The following SLC8A3 variants were observed in gnomAD, a reference collection of about 807,000 sequenced individuals.
The protein encoded by SLC8A3 is sodium/calcium exchanger 3.
In SLC8A3, 37 loss-of-function variants were observed where a neutral mutation model predicts 65.4. The ratio of observed to expected loss-of-function variants is 0.57; its 90% confidence interval spans 0.44 to 0.74. The LOEUF is 0.74. Among genes scored for constraint, SLC8A3 ranks in the 30% least tolerant of loss-of-function variants. The pLI is 0.00. For missense variants in SLC8A3, 1,112 were observed against 1,172.1 expected (o/e 0.95, Z 0.75); for synonymous variants, 461 against 444.5 (o/e 1.04, Z -0.47).
At chr14:70,173,333 T>A (rs903253751) in intron 1 of SLC8A3, among the ~76,000 whole-genome samples, 1 of 152,070 alleles carries the variant, frequency 6.6e-6, no homozygotes, top group African/African-American at 2.4e-5. Flanking sequence ...TGTCCCCATG[T>A]CACACTCCCC....
At position 70,144,331 on chromosome 14, in the gene SLC8A3, TAA is replaced by T. The variant is rs1164198147; in HGVS notation, c.1784+22306_1784+22307del. Among the ~76,000 whole-genome samples, 389 of 66,932 alleles carry T rather than the reference TAA, an allele frequency of 5.8e-3. 3 individuals are homozygous for T. The highest frequency in any genetic ancestry group is 0.022 in the African/African-American group (323 of 14,548). The allele number at this position is 66,932 out of a possible 152,430, so 43.9% of individuals were successfully genotyped here. A position where few individuals can be genotyped will look rare whatever the true frequency, so the allele number is the denominator to read the frequency against. On this transcript the variant is annotated intron_variant, in intron 2 of 6. Coordinates refer to ENST00000356921, the MANE Select transcript of SLC8A3 (RefSeq NM_182932.3). ...CTGTTTTTTTTTTTTTTTTTTTTTTTAAAAAAAAAAAAAAAAAGGCCAGGCAC... is the reference window on the plus strand; with the variant it reads ...CTGTTTTTTTTTTTTTTTTTTTTTTTAAAAAAAAAAAAAAAGGCCAGGCAC...
intron 2 of SLC8A3, among the ~76,000 whole-genome samples, chr14:70,104,969 T>A (rs1012963596): frequency 1.3e-5 from 2 of 152,110 alleles, no homozygotes; most frequent in Non-Finnish European, 2.9e-5. Context: ...GGAATCAGTA[T>A]AATGTAGATA....
At chr14:70,083,379 T>A (rs1891200940) in intron 2 of SLC8A3, among the ~76,000 whole-genome samples, 1 of 152,156 alleles carries the variant, frequency 6.6e-6, no homozygotes, top group Non-Finnish European at 1.5e-5. Context: ...ATTATGGGGT[T>A]AGTTTTGGGG....
At chr14:70,110,673 C>CTTTTTTTTTTTTTTTTTTTTTTTT (rs71102684) in intron 2 of SLC8A3, among the ~76,000 whole-genome samples, 1 of 91,858 alleles carries the variant, frequency 1.1e-5, no homozygotes, top group Non-Finnish European at 2.2e-5. Context: ...ATACCTCTTT[C>CTTTTTTTTTTTTTTTTTTTTTTTT]TTTTTTTTTT....
chr14:70,179,741 C>T (rs767748950), intron 1 of SLC8A3, among the ~76,000 whole-genome samples: 9 of 152,214 alleles, frequency 5.9e-5, no homozygotes, highest in Non-Finnish European at 8.8e-5. Flanking sequence ...AGCATTTATA[C>T]TGCATCATTC....
chr14:70,112,807 C>G (rs146732023), intron 2 of SLC8A3, among the ~76,000 whole-genome samples: 1 of 152,290 alleles, frequency 6.6e-6, no homozygotes, highest in East Asian at 1.9e-4. Flanking sequence ...TGGCTCCTGG[C>G]AATCCTTGGT....
At chr14:70,144,628 TA>T (rs34113457) in intron 2 of SLC8A3, among the ~76,000 whole-genome samples, 183 of 142,978 alleles carry the variant, frequency 1.3e-3, no homozygotes, top group African/African-American at 1.9e-3. Context: ...AGACTCCACC[TA>T]AAAAAAAAAA....
At chr14:70,154,388 C>T (rs78976735) in intron 2 of SLC8A3, among the ~76,000 whole-genome samples, 7,461 of 152,264 alleles carry the variant, frequency 0.049, 224 homozygotes, top group Middle Eastern at 0.075. Flanking sequence ...TTCCACCATT[C>T]GGACCGTCAG....
chr14:70,133,269 A>G (rs1894970154), intron 2 of SLC8A3, among the ~76,000 whole-genome samples: 1 of 152,132 alleles, frequency 6.6e-6, no homozygotes, highest in African/African-American at 2.4e-5. Context: ...AATGATGCTG[A>G]ACTCTCTCTT....
intron 4 of SLC8A3, among the ~76,000 whole-genome samples, 196 bp downstream of exon 4, chr14:70,051,794 A>G (rs1192655761): frequency 6.6e-6 from 1 of 152,214 alleles, no homozygotes; most frequent in Non-Finnish European, 1.5e-5. Context: ...TTTCCTAACA[A>G]TATTCCTAGC....
intron 2 of SLC8A3, among the ~76,000 whole-genome samples, chr14:70,143,957 C>T (rs987904502): frequency 5.9e-5 from 9 of 152,154 alleles, no homozygotes; most frequent in African/African-American, 2.2e-4. Context: ...CACAGTTAGT[C>T]ATTCCCTCTC....
Position 70,046,617 on chromosome 14 carries a change from T to A in SLC8A3, c.2390-294A>T. 3.1e-6 allele frequency: 1 copy of A among 319,716 alleles called. No homozygotes were observed. The highest frequency in any genetic ancestry group is 5.8e-6 in the Non-Finnish European group (1 of 173,600). The allele number at this position is 319,716 out of a possible 1,614,324, so 19.8% of individuals were successfully genotyped here. A position where few individuals can be genotyped will look rare whatever the true frequency, so the allele number is the denominator to read the frequency against. On this transcript the variant is annotated intron_variant, in intron 6 of 6. Coordinates refer to ENST00000356921, the MANE Select transcript of SLC8A3 (RefSeq NM_182932.3). The surrounding 1 kb of genome is among the most constrained non-coding windows in gnomAD (Gnocchi z 4.2). ...GGGCTTATTGTTCTCCTTTGACTAC[T>A]TTTTCAGTAAGGGAAGTTTGCCATC...
intron 3 of SLC8A3, among the ~76,000 whole-genome samples, chr14:70,059,951 A>G (rs979214566): frequency 6.6e-6 from 1 of 152,184 alleles, no homozygotes; most frequent in African/African-American, 2.4e-5. Context: ...TCTGCTTTAG[A>G]GGTTGCATTG....
intron 1 of SLC8A3, among the ~76,000 whole-genome samples, chr14:70,176,953 CACTT>C: frequency 6.6e-6 from 1 of 152,356 alleles, no homozygotes; most frequent in African/African-American, 2.4e-5. Context: ...TTCATTCACT[CACTT>C]ACTCATTTAT....
chr14:70,155,426 T>C (rs1896521659), intron 2 of SLC8A3, among the ~76,000 whole-genome samples: 1 of 152,184 alleles, frequency 6.6e-6, no homozygotes, highest in South Asian at 2.1e-4. Flanking sequence ...ACTCTCTACC[T>C]TTTTGAGCTC....
At chr14:70,114,997 A>G (rs1300761243) in intron 2 of SLC8A3, among the ~76,000 whole-genome samples, 1 of 152,104 alleles carries the variant, frequency 6.6e-6, no homozygotes, top group Admixed American at 6.5e-5. Flanking sequence ...CCTAATCAGG[A>G]GACACGACCA....
intron 2 of SLC8A3, among the ~76,000 whole-genome samples, chr14:70,095,434 G>T (rs2140082605): frequency 6.6e-6 from 1 of 152,310 alleles, no homozygotes; most frequent in East Asian, 1.9e-4. Flanking sequence ...CTGTGCCTCA[G>T]TTTCTCCATC....
intron 2 of SLC8A3, among the ~76,000 whole-genome samples, chr14:70,102,004 G>A (rs1892582076): frequency 6.6e-6 from 1 of 152,180 alleles, no homozygotes; most frequent in African/African-American, 2.4e-5. Context: ...CAAATATTGA[G>A]AGGGCCCAGA....
chr14:70,086,049 A>C lies in SLC8A3; in HGVS notation c.1785-25110T>G, dbSNP rs148714894. Reference sequence around the variant, plus strand: ...AGATAATAAAAATTGCTTTTCAATGAAATGGAGGGAATTGTGGCCTCTCTC... The same window carrying C: ...AGATAATAAAAATTGCTTTTCAATGCAATGGAGGGAATTGTGGCCTCTCTC... On this transcript the variant is annotated intron_variant, in intron 2 of 6. Transcript: ENST00000356921. Among the ~76,000 whole-genome samples, 621 of 152,344 alleles carry C rather than the reference A, an allele frequency of 4.1e-3. 4 individuals are homozygous for C. Among genetic ancestry groups the C allele is most frequent in the African/African-American group, 0.014 (579 of 41,574 alleles).
Sources: allele counts gnomAD v4.1 joint callset (sites outside exome capture counted in the v4.1 genomes callset), GRCh38; gene constraint gnomAD v4.1.1; non-coding constraint Gnocchi (gnomAD v3.1); transcripts MANE v1.5; gene names NCBI Gene and HGNC (gene_info 2026-07-23, HGNC 2026-07-21).